The following PRKCA variants were observed in gnomAD, a reference collection of about 807,000 sequenced individuals.
PRKCA encodes the protein protein kinase C alpha type.
PRKCA carries 27 observed loss-of-function variants against 87.0 expected under a neutral mutation model. The observed-to-expected ratio is 0.31, with a 90% CI of 0.23 to 0.43. PRKCA has a LOEUF of 0.43. Ranked by LOEUF, PRKCA falls within the 20% of genes least tolerant of loss-of-function variation. The probability of loss-of-function intolerance (pLI) is 1.00; values close to 1 mark genes in which losing one functional copy is unlikely to be tolerated. For synonymous variants in PRKCA, 329 were observed against 311.1 expected, an observed-to-expected ratio of 1.06 and a Z score of -0.61; for missense variants, 518 against 852.3, an observed-to-expected ratio of 0.61 and a Z score of 4.88.
At chr17:66,714,811 T>C (rs1973434162) in intron 8 of PRKCA, among the ~76,000 whole-genome samples, 1 of 152,202 alleles carries the variant, frequency 6.6e-6, no homozygotes, top group Admixed American at 6.5e-5. Context: ...GCTTGTCACC[T>C]TCCTGAGCGC....
At chr17:66,401,786 A>G (rs555305967) in intron 2 of PRKCA, among the ~76,000 whole-genome samples, 4 of 152,294 alleles carry the variant, frequency 2.6e-5, no homozygotes, top group African/African-American at 9.6e-5. Context: ...GATTTCTGGC[A>G]GTGGTTCCGT....
At chr17:66,338,439 G>C (rs573257478) in intron 2 of PRKCA, among the ~76,000 whole-genome samples, 1 of 152,164 alleles carries the variant, frequency 6.6e-6, no homozygotes, top group African/African-American at 2.4e-5. Context: ...TGAGAGAGGG[G>C]GATGAGGAAA....
intron 2 of PRKCA, among the ~76,000 whole-genome samples, chr17:66,411,527 C>T (rs2143743880): frequency 6.6e-6 from 1 of 152,320 alleles, no homozygotes; most frequent in East Asian, 1.9e-4. Flanking sequence ...CAGCTATTCT[C>T]AAGGCATGGT....
At chr17:66,725,870 C>T (rs957578986) in intron 8 of PRKCA, among the ~76,000 whole-genome samples, 2 of 151,858 alleles carry the variant, frequency 1.3e-5, no homozygotes, top group African/African-American at 4.8e-5. Context: ...GCTGACGTAG[C>T]CCCATGGTTT....
chr17:66,718,604 C>T (rs1414030160), intron 8 of PRKCA, among the ~76,000 whole-genome samples: 2 of 152,202 alleles, frequency 1.3e-5, no homozygotes, highest in African/African-American at 2.4e-5. Flanking sequence ...GAGGCATCAG[C>T]CTGGGATCAC....
intron 2 of PRKCA, among the ~76,000 whole-genome samples, chr17:66,320,369 A>G (rs551863597): frequency 2.0e-5 from 3 of 151,808 alleles, no homozygotes; most frequent in South Asian, 4.2e-4. Context: ...TGCCCATCCA[A>G]TACTCTATTT....
chr17:66,375,093 G>C (rs1362394698), intron 2 of PRKCA, among the ~76,000 whole-genome samples: 1 of 152,020 alleles, frequency 6.6e-6, no homozygotes, highest in Non-Finnish European at 1.5e-5. Flanking sequence ...CAGCCTTGAG[G>C]GGGGTAATAG....
chr17:66,412,400 C>G (rs948617321), intron 2 of PRKCA, among the ~76,000 whole-genome samples: 2 of 152,150 alleles, frequency 1.3e-5, no homozygotes, highest in South Asian at 4.1e-4. Context: ...TGCACTTTTA[C>G]TTAAAAGAGC....
At chr17:66,678,719 C>T (rs1484061624) in intron 5 of PRKCA, among the ~76,000 whole-genome samples, 1 of 150,802 alleles carries the variant, frequency 6.6e-6, no homozygotes, top group African/African-American at 2.4e-5. Flanking sequence ...GTAGTATGCA[C>T]ACCACTGTCA....
intron 3 of PRKCA, among the ~76,000 whole-genome samples, chr17:66,617,108 T>C (rs1970539515): frequency 6.6e-6 from 1 of 152,152 alleles, no homozygotes; most frequent in Admixed American, 6.5e-5. Flanking sequence ...TCTCAATCTT[T>C]TAATAATGAA....
intron 3 of PRKCA, among the ~76,000 whole-genome samples, chr17:66,557,024 G>C (rs1264015194): frequency 1.3e-5 from 2 of 152,136 alleles, no homozygotes; most frequent in African/African-American, 4.8e-5. Flanking sequence ...TTGATAGTTG[G>C]ATTAGATGGT....
intron 8 of PRKCA, among the ~76,000 whole-genome samples, chr17:66,723,576 C>G (rs951481925): frequency 6.7e-6 from 1 of 150,102 alleles, no homozygotes; most frequent in Non-Finnish European, 1.5e-5. Context: ...TGCAGTGAGC[C>G]GAGATCACAC....
Position 66,435,721 on chromosome 17 carries a change from C to T in PRKCA, c.206-60480C>T, listed in dbSNP as rs554419147. Among the ~76,000 whole-genome samples the T allele has an allele frequency of 9.9e-5, 15 of 152,002 alleles. No individual in the cohort carries two copies. The East Asian group carries it at 2.1e-3, about 22-fold the overall frequency. ...CGCATGAAGTGCGAAGTCTATGGGG[C>T]GGTTCTGATGAGCAAGCATGGAGGA... On this transcript the variant is annotated intron_variant, in intron 2 of 16. Coordinates refer to ENST00000413366, the MANE Select transcript of PRKCA (RefSeq NM_002737.3).
At chr17:66,458,131 C>G (rs1170965421) in intron 2 of PRKCA, among the ~76,000 whole-genome samples, 1 of 152,158 alleles carries the variant, frequency 6.6e-6, no homozygotes, top group African/African-American at 2.4e-5. Flanking sequence ...GAGCTCTAAA[C>G]CACTTAGTGG....
intron 8 of PRKCA, among the ~76,000 whole-genome samples, chr17:66,717,234 C>T (rs1218541570): frequency 6.6e-6 from 1 of 152,202 alleles, no homozygotes; most frequent in Non-Finnish European, 1.5e-5. Flanking sequence ...TGCCTGTCTT[C>T]ACCATTAAGG....
intron 14 of PRKCA, chr17:66,775,209 C>T (rs1347472092): frequency 1.0e-6 from 1 of 959,448 alleles, no homozygotes; most frequent in East Asian, 1.2e-4. Flanking sequence ...GTGGCAAAGT[C>T]CCATGTGGGG....
intron 2 of PRKCA, among the ~76,000 whole-genome samples, chr17:66,361,615 A>G (rs868511304): frequency 6.6e-6 from 1 of 151,982 alleles, no homozygotes; most frequent in Non-Finnish European, 1.5e-5. Context: ...CAGCCCATAC[A>G]TTGGATTTTA....
chr17:66,729,615 C>G (rs1166696970), intron 8 of PRKCA, among the ~76,000 whole-genome samples: 1 of 151,994 alleles, frequency 6.6e-6, no homozygotes, highest in Non-Finnish European at 1.5e-5. Context: ...TACATGCTGC[C>G]AACAAAGGCA....
At chr17:66,707,583 A>G (rs979722399) in intron 8 of PRKCA, among the ~76,000 whole-genome samples, 1 of 152,122 alleles carries the variant, frequency 6.6e-6, no homozygotes, top group Non-Finnish European at 1.5e-5. Flanking sequence ...TTTCTTTCCC[A>G]TACATTTTAT....
Sources: gnomAD v4.1 joint callset for allele counts (sites outside exome capture counted in the v4.1 genomes callset) on GRCh38, gnomAD v4.1.1 for gene constraint, MANE v1.5 for transcripts, NCBI Gene and HGNC (gene_info 2026-07-23, HGNC 2026-07-21) for gene names.